The following PITPNM2 variants were observed in gnomAD, a reference collection of about 807,000 sequenced individuals.
PITPNM2 encodes phosphatidylinositol transfer protein membrane associated 2.
PITPNM2 carries 35 observed loss-of-function variants against 132.2 expected under a neutral mutation model. The ratio of observed to expected loss-of-function variants is 0.26; its 90% CI spans 0.20 to 0.35. PITPNM2 has a LOEUF of 0.35. Ranked by LOEUF, PITPNM2 falls within the 10% of genes least tolerant of loss-of-function variation. The pLI, the probability that PITPNM2 is intolerant of heterozygous loss-of-function variation, is 1.00. For missense variants in PITPNM2, 1,332 were observed against 1,912.0 expected, an observed-to-expected ratio of 0.70 and a Z score of 5.66; for synonymous variants, 738 against 799.2, an observed-to-expected ratio of 0.92 and a Z score of 1.29.
At chr12:123,030,207 T>C (rs578105860) in intron 3 of PITPNM2, among the ~76,000 whole-genome samples, 29 of 152,196 alleles carry the variant, frequency 1.9e-4, no homozygotes, top group South Asian at 8.3e-4. Context: ...TAGGGTAGCA[T>C]TTATTTAAAA....
chr12:123,133,923 A>T (rs2043320461), intron 1 of PITPNM2, among the ~76,000 whole-genome samples: 1 of 152,066 alleles, frequency 6.6e-6, no homozygotes, highest in South Asian at 2.1e-4. Context: ...CTCAGGTGAT[A>T]CGCCCACCTT....
chr12:123,125,580 C>G (rs2043119515), intron 1 of PITPNM2, among the ~76,000 whole-genome samples: 1 of 151,982 alleles, frequency 6.6e-6, no homozygotes, highest in South Asian at 2.1e-4. Flanking sequence ...CGCTGTGGCT[C>G]ACGCCTGTAA....
In PITPNM2 at chr12:123,010,090, C is replaced by A. The variant is rs1339170292; in HGVS notation, c.416-13G>T. The A allele has an allele frequency of 1.2e-6, 2 of 1,603,182 alleles. No homozygotes were observed. The highest frequency in any genetic ancestry group is 1.1e-5 in the South Asian group (1 of 90,872). On this transcript the variant is annotated splice_polypyrimidine_tract_variant and intron_variant, in intron 5 of 25. Transcript: ENST00000320201. ...ATGTCGATGAAGTCTGTGGGTAAAC[C>A]CTTAGAGTGGCCACTTCTGCCCTGA...
At chr12:123,002,776 G>A (rs2038754707) in intron 8 of PITPNM2, among the ~76,000 whole-genome samples, 1 of 152,176 alleles carries the variant, frequency 6.6e-6, no homozygotes, top group Non-Finnish European at 1.5e-5. Flanking sequence ...CAATACACCA[G>A]TGCATGGTGA....
At position 123,000,538 on chromosome 12, in the gene PITPNM2, T is replaced by C; in HGVS notation, c.1224+240A>G. 1 of 690,378 alleles carries C rather than the reference T, an allele frequency of 1.4e-6. No individual in the cohort carries two copies. Among genetic ancestry groups the C allele is most frequent in the Admixed American group, 2.1e-5 (1 of 48,280 alleles). 42.8% of individuals were successfully genotyped at this position (690,378 alleles called of 1,614,324 possible). A position where few individuals can be genotyped will look rare whatever the true frequency, so the allele number is the denominator to read the frequency against. Reference sequence around the variant, plus strand: ...TGGGTGGAGCTTGGATAAGGCTTTCTCAGGGGTTGTCTGTAGTCCCTGGTT... The same window carrying C: ...TGGGTGGAGCTTGGATAAGGCTTTCCCAGGGGTTGTCTGTAGTCCCTGGTT... On this transcript the variant is annotated intron_variant, in intron 10 of 25. Coordinates refer to ENST00000320201, the MANE Select transcript of PITPNM2 (RefSeq NM_020845.3). The surrounding 1 kb of genome is among the most constrained non-coding windows in gnomAD (Gnocchi z 5.4).
Position 122,988,303 on chromosome 12 carries a change from T to C in PITPNM2, c.2928A>G (p.Glu976=), listed in dbSNP as rs766741325. The change falls in exon 20 of 26, where the codon GAA becomes GAG. Residue 976 remains glutamate, a synonymous_variant. Transcript: ENST00000320201. ...NSSILELDGK[E]VSVFTPSKPR... is the part of the protein sequence containing the mutation. ...GCTTTGAGGGGGTGAACACCGACACTTCCTTGCCATCCAGCTCCAAGATGC... is the reference window on the plus strand; with the variant it reads ...GCTTTGAGGGGGTGAACACCGACACCTCCTTGCCATCCAGCTCCAAGATGC... The C allele has an allele frequency of 6.2e-7, 1 of 1,613,440 alleles. No individual in the cohort carries two copies.
At chr12:123,056,496 T>TG (rs932409895) in intron 2 of PITPNM2, among the ~76,000 whole-genome samples, 1 of 152,206 alleles carries the variant, frequency 6.6e-6, no homozygotes, top group Non-Finnish European at 1.5e-5. Flanking sequence ...TGGCTCACCT[T>TG]GGACACTGCC....
chr12:123,132,589 T>C (rs958062569), intron 1 of PITPNM2, among the ~76,000 whole-genome samples: 2 of 151,844 alleles, frequency 1.3e-5, no homozygotes, highest in Non-Finnish European at 2.9e-5. Flanking sequence ...ACATCCACAA[T>C]GTTGTACAAC....
chr12:123,136,956 G>A (rs898725347), intron 1 of PITPNM2, among the ~76,000 whole-genome samples: 7 of 152,198 alleles, frequency 4.6e-5, no homozygotes, highest in African/African-American at 7.2e-5. Flanking sequence ...ACAGAACAGC[G>A]TCATAGGCAC....
At position 122,996,584 on chromosome 12, in the gene PITPNM2, A is replaced by T. The variant is rs780217271; in HGVS notation, c.1663-7T>A. ...AGTCCCCAATCAGGCAGACCTTGGG[A>T]GAGAGGGGCCAGAGGCCTGAGCCAT... On this transcript the variant is annotated splice_region_variant and splice_polypyrimidine_tract_variant and intron_variant, in intron 12 of 25. Coordinates refer to ENST00000320201, the MANE Select transcript of PITPNM2 (RefSeq NM_020845.3). 14 of 1,613,006 alleles carry T rather than the reference A, an allele frequency of 8.7e-6. No individual in the cohort carries two copies. The South Asian group carries it at 1.5e-4, about 18-fold the overall frequency.
intron 3 of PITPNM2, among the ~76,000 whole-genome samples, chr12:123,020,269 C>T (rs180701991): frequency 1.7e-3 from 261 of 151,894 alleles, no homozygotes; most frequent in Non-Finnish European, 3.1e-3. Flanking sequence ...TATAGTCACG[C>T]GCCACCACAC....
At chr12:123,130,580 A>C (rs2043241634) in intron 1 of PITPNM2, among the ~76,000 whole-genome samples, 1 of 152,178 alleles carries the variant, frequency 6.6e-6, no homozygotes, top group Non-Finnish European at 1.5e-5. Context: ...GGAGATCAAG[A>C]CCATCCTGGC....
Position 123,097,774 on chromosome 12 carries a change from C to T in PITPNM2, c.-96+12611G>A, listed in dbSNP as rs531574047. On this transcript the variant is annotated intron_variant, in intron 2 of 25. Coordinates refer to ENST00000320201, the MANE Select transcript of PITPNM2 (RefSeq NM_020845.3). This position sits in a 1 kb window ranked among gnomAD's most constrained non-coding sequence, Gnocchi z 4.7. ...CCAGAAATAGCCTTGAAGACATTCA[C>T]GTGAAGATGACGGGCAGGTCCCCAG... 2.0e-5 allele frequency among the ~76,000 whole-genome samples: 3 copies of T among 152,304 alleles called. No homozygotes were observed. The highest frequency in any genetic ancestry group is 4.1e-4 in the South Asian group (2 of 4,828).
intron 2 of PITPNM2, among the ~76,000 whole-genome samples, chr12:123,094,607 T>TG (rs1184342828): frequency 2.0e-5 from 3 of 152,246 alleles, no homozygotes; most frequent in African/African-American, 7.2e-5. Flanking sequence ...AGCTGGTAAT[T>TG]GGAGAAACTC....
chr12:123,144,020 A>C (rs1267839225), intron 1 of PITPNM2, among the ~76,000 whole-genome samples: 1 of 152,220 alleles, frequency 6.6e-6, no homozygotes, highest in African/African-American at 2.4e-5. Context: ...CCTAGTCACT[A>C]AAATTTATCT....
At chr12:123,134,157 T>C (rs2137582412) in intron 1 of PITPNM2, among the ~76,000 whole-genome samples, 2 of 152,232 alleles carry the variant, frequency 1.3e-5, no homozygotes, top group South Asian at 4.2e-4. Context: ...CCTCCGCCTC[T>C]GGTTCAAGCT....
rs1384242588 is a variant in PITPNM2 at position 123,150,868 on chromosome 12, C to T, written c.-315G>A. ...GCGGCCCCGGCCCGGCCGGCTGCGC[C>T]CCGCGCGCCCCCGCCGCCTGCTGGC... On this transcript the variant is annotated 5_prime_UTR_variant, in exon 1 of 26. Coordinates refer to ENST00000320201, the MANE Select transcript of PITPNM2 (RefSeq NM_020845.3). The surrounding 1 kb of genome is among the most constrained non-coding windows in gnomAD (Gnocchi z 6.0). 3.4e-5 allele frequency among the ~76,000 whole-genome samples: 5 copies of T among 145,762 alleles called. No homozygotes were observed. Among genetic ancestry groups the T allele is most frequent in the Non-Finnish European group, 6.1e-5 (4 of 65,636 alleles).
rs2041818536 is a variant in PITPNM2 at position 123,077,231 on chromosome 12, T to C, written c.-96+33154A>G. 6.6e-6 allele frequency among the ~76,000 whole-genome samples: 1 copy of C among 152,098 alleles called. No individual in the cohort carries two copies. Among genetic ancestry groups the C allele is most frequent in the African/African-American group, 2.4e-5 (1 of 41,424 alleles). On this transcript the variant is annotated intron_variant, in intron 2 of 25. Transcript: ENST00000320201. The surrounding 1 kb of genome is among the most constrained non-coding windows in gnomAD (Gnocchi z 4.8). ...CCTGAAGCCAGCCAGCAGACGATCC[T>C]CCCTACACCACCTTCTTGGAAATCT...
At chr12:123,128,264 CAAAAAAAAAAAAAAAAAAAAAA>C (rs1170397011) in intron 1 of PITPNM2, among the ~76,000 whole-genome samples, 20 of 22,730 alleles carry the variant, frequency 8.8e-4, no homozygotes, top group African/African-American at 2.3e-3. Flanking sequence ...CCCATCTCTA[CAAAAAAAAAAAAAAAAAAAAAA>C]AAAAAAAAAA....
Sources: gnomAD v4.1 joint callset for allele counts (sites outside exome capture counted in the v4.1 genomes callset) on GRCh38, gnomAD v4.1.1 for gene constraint, Gnocchi (gnomAD v3.1) non-coding constraint, MANE v1.5 for transcripts, NCBI Gene and HGNC (gene_info 2026-07-23, HGNC 2026-07-21) for gene names.